Variants in RMDN2 observed in about 807,000 individuals in gnomAD.
RMDN2 encodes regulator of microtubule dynamics protein 2.
In RMDN2, 61 loss-of-function variants were observed where a neutral mutation model predicts 52.8. The observed-to-expected ratio is 1.16, with a 90% CI of 0.94 to 1.43. The LOEUF is 1.43. Among genes scored for constraint, RMDN2 ranks in the 40% most tolerant of loss-of-function variants. RMDN2 has a pLI of 0.00. For synonymous variants in RMDN2, 180 were observed against 153.1 expected (o/e 1.18, Z -1.30); for missense variants, 592 against 475.3 (o/e 1.25, Z -2.28).
chr2:37,948,491 C>T (rs1248357052), intron 2 of RMDN2, among the ~76,000 whole-genome samples: 1 of 151,812 alleles, frequency 6.6e-6, no homozygotes, highest in East Asian at 1.9e-4. Context: ...TACCTGGGGT[C>T]ATGGAATTGA....
chr2:37,995,666 G>A (rs1477089528), intron 7 of RMDN2, among the ~76,000 whole-genome samples: 2 of 152,124 alleles, frequency 1.3e-5, no homozygotes, highest in East Asian at 3.8e-4. Context: ...GAAGCCATGT[G>A]GCTAACCATT....
intron 4 of RMDN2, among the ~76,000 whole-genome samples, chr2:37,976,174 G>T (rs1223880944): frequency 6.6e-6 from 1 of 152,144 alleles, no homozygotes; most frequent in South Asian, 2.1e-4. Context: ...TTACATGTTG[G>T]TTCATTATTC....
In RMDN2 at chr2:37,952,291, A is replaced by C. The variant is rs965872660; in HGVS notation, c.453-21749A>C. On this transcript the variant is annotated intron_variant, in intron 2 of 10. Transcript: ENST00000354545. Reference sequence around the variant, plus strand: ...ATAGCCTGTAGAATTCATTTCTCATAACTCCCCTTTCCTCACAAAGCTTCA... The same window carrying C: ...ATAGCCTGTAGAATTCATTTCTCATCACTCCCCTTTCCTCACAAAGCTTCA... 9.0e-6 allele frequency: 11 copies of C among 1,220,416 alleles called. No individual in the cohort carries two copies. In the African/African-American group the frequency reaches 1.7e-4, roughly 19 times the overall value. The allele number at this position is 1,220,416 out of a possible 1,614,324, so 75.6% of individuals were successfully genotyped here.
At chr2:37,977,054 C>A (rs181809770) in intron 4 of RMDN2, among the ~76,000 whole-genome samples, 4 of 152,050 alleles carry the variant, frequency 2.6e-5, no homozygotes, top group African/African-American at 9.7e-5. Context: ...TGACTCTGAA[C>A]GAGCATGCTG....
intron 2 of RMDN2, among the ~76,000 whole-genome samples, chr2:37,963,893 G>A (rs573723097): frequency 5.7e-5 from 7 of 123,326 alleles, no homozygotes; most frequent in Admixed American, 1.6e-4. Context: ...CAGGGGCGGC[G>A]GGGCAGAGGC....
chr2:38,045,344 C>A (rs1418309310), intron 10 of RMDN2, among the ~76,000 whole-genome samples: 1 of 152,192 alleles, frequency 6.6e-6, no homozygotes, highest in Non-Finnish European at 1.5e-5. Flanking sequence ...CTGTAACACT[C>A]TTACACTCTT....
At chr2:38,011,564 C>G (rs566096883) in intron 10 of RMDN2, among the ~76,000 whole-genome samples, 3 of 152,256 alleles carry the variant, frequency 2.0e-5, no homozygotes, top group African/African-American at 7.2e-5. Context: ...AAATAAGACA[C>G]ACCTGTTGCC....
intron 10 of RMDN2, among the ~76,000 whole-genome samples, chr2:38,038,140 C>T (rs1286773390): frequency 6.6e-6 from 1 of 152,072 alleles, no homozygotes. Flanking sequence ...AAAAGCACTT[C>T]CAGGCTCCAT....
chr2:37,935,941 C>T (rs1305355453), intron 2 of RMDN2, among the ~76,000 whole-genome samples: 1 of 152,054 alleles, frequency 6.6e-6, no homozygotes, highest in Non-Finnish European at 1.5e-5. Context: ...GATACATGTG[C>T]AGAACGTGCA....
At chr2:38,043,442 C>T (rs1222931076) in intron 10 of RMDN2, among the ~76,000 whole-genome samples, 1 of 152,088 alleles carries the variant, frequency 6.6e-6, no homozygotes, top group Non-Finnish European at 1.5e-5. Context: ...TTCTGACAGT[C>T]TCTGTTTTTT....
At chr2:38,035,540 T>C (rs1273570437) in intron 10 of RMDN2, among the ~76,000 whole-genome samples, 3 of 152,034 alleles carry the variant, frequency 2.0e-5, no homozygotes, top group Non-Finnish European at 2.9e-5. Context: ...AAAAAATGCA[T>C]AAAGCTATCA....
chr2:37,961,472 G>T (rs991302198), intron 2 of RMDN2, among the ~76,000 whole-genome samples: 74 of 151,568 alleles, frequency 4.9e-4, no homozygotes, highest in African/African-American at 1.8e-3. Context: ...TCTTCTGCTT[G>T]ATTGATATGG....
At chr2:38,016,592 G>A (rs1267632116) in intron 10 of RMDN2, among the ~76,000 whole-genome samples, 1 of 152,100 alleles carries the variant, frequency 6.6e-6, no homozygotes, top group Non-Finnish European at 1.5e-5. Context: ...CAATGCACAT[G>A]GAGAGAAACC....
intron 10 of RMDN2, among the ~76,000 whole-genome samples, chr2:38,058,520 G>C (rs757169304): frequency 6.6e-6 from 1 of 152,240 alleles, no homozygotes; most frequent in Non-Finnish European, 1.5e-5. Context: ...TGTGTCTGCA[G>C]GTGTGGGGGC....
chr2:38,047,630 G>C (rs1410869532), intron 10 of RMDN2, among the ~76,000 whole-genome samples: 2 of 152,164 alleles, frequency 1.3e-5, no homozygotes, highest in Non-Finnish European at 2.9e-5. Flanking sequence ...GTGGTTTCCA[G>C]AGTATAAGTT....
At chr2:37,973,856 G>A (rs756534230) in intron 2 of RMDN2, among the ~76,000 whole-genome samples, 184 bp from the exon 3 acceptor site, 6 of 152,136 alleles carry the variant, frequency 3.9e-5, no homozygotes, top group South Asian at 4.1e-4. Context: ...TAACGAGATC[G>A]TGGGCAAATT....
chr2:38,061,281 A>T (rs1682036390), intron 10 of RMDN2, among the ~76,000 whole-genome samples: 1 of 152,092 alleles, frequency 6.6e-6, no homozygotes, highest in Non-Finnish European at 1.5e-5. Context: ...CAAGGGGAAG[A>T]TGATTGGAAT....
At chr2:37,933,366 G>T (rs1194552363) in intron 2 of RMDN2, among the ~76,000 whole-genome samples, 1 of 152,214 alleles carries the variant, frequency 6.6e-6, no homozygotes, top group Non-Finnish European at 1.5e-5. Context: ...TTCCCAGACG[G>T]GGTGGCGGCT....
chr2:38,021,680 A>T (rs1293091542), downstream of RMDN2, among the ~76,000 whole-genome samples: 1 of 152,178 alleles, frequency 6.6e-6, no homozygotes, highest in East Asian at 1.9e-4. Flanking sequence ...CTGGACACAT[A>T]AGGAGTGTGC....
Sources: allele counts gnomAD v4.1 joint callset (sites outside exome capture counted in the v4.1 genomes callset), GRCh38; gene constraint gnomAD v4.1.1; transcripts MANE v1.5; gene names NCBI Gene and HGNC (gene_info 2026-07-23, HGNC 2026-07-21).